Variants in KPNA1 observed in about 807,000 individuals in gnomAD.
KPNA1 encodes importin subunit alpha-5.
Under a neutral mutation model 70.5 loss-of-function variants are expected in KPNA1, and 10 were observed. That is an observed-to-expected ratio of 0.14 (90% CI 0.09 to 0.24). The LOEUF (loss-of-function observed/expected upper bound fraction) is 0.24. Ranked by LOEUF, KPNA1 falls within the 10% of genes least tolerant of loss-of-function variation. KPNA1 has a pLI of 1.00. For synonymous variants in KPNA1, 192 were observed against 221.9 expected (o/e 0.87, Z 1.20); for missense variants, 397 against 637.9 (o/e 0.62, Z 4.07).
At chr3:122,441,996 A>G in intron 10 of KPNA1, 42 bp downstream of exon 10, 1 of 1,265,720 alleles carries the variant, frequency 7.9e-7, no homozygotes, top group Non-Finnish European at 1.2e-6. Context: ...AGTTCAATAT[A>G]CTGTTTTTAA....
At chr3:122,511,416 T>C (rs7641530) in intron 1 of KPNA1, among the ~76,000 whole-genome samples, 34,131 of 152,258 alleles carry the variant, frequency 0.22, 4,248 homozygotes, top group Non-Finnish European at 0.27. Context: ...TCTGGATTAC[T>C]GCCTGCTTTC....
intron 9 of KPNA1, among the ~76,000 whole-genome samples, chr3:122,445,008 C>T (rs188474738): frequency 1.1e-4 from 17 of 152,292 alleles, no homozygotes; most frequent in Admixed American, 5.9e-4. Context: ...TCCAAAAGAT[C>T]GCAGCTTCTC....
intron 1 of KPNA1, among the ~76,000 whole-genome samples, chr3:122,498,848 C>T (rs1162336904): frequency 3.3e-5 from 5 of 152,102 alleles, no homozygotes; most frequent in South Asian, 2.1e-4. Flanking sequence ...TGGGAAATAC[C>T]GGCACCTTAA....
intron 9 of KPNA1, 138 bp downstream of exon 9, chr3:122,449,431 CAAAAT>C: frequency 1.5e-6 from 1 of 664,320 alleles, no homozygotes; most frequent in East Asian, 3.1e-5. Flanking sequence ...GATCTGACAT[CAAAAT>C]AAACAAGTAA....
chr3:122,436,597 CCT>C, intron 11 of KPNA1, among the ~76,000 whole-genome samples: 1 of 152,106 alleles, frequency 6.6e-6, no homozygotes, highest in East Asian at 1.9e-4. Context: ...AGGTGGTTCC[CCT>C]GATAACTATT....
At chr3:122,495,119 A>C (rs2076742775) in intron 2 of KPNA1, among the ~76,000 whole-genome samples, 1 of 151,902 alleles carries the variant, frequency 6.6e-6, no homozygotes, top group Admixed American at 6.6e-5. Flanking sequence ...GTGTGGTGGC[A>C]CGCGCCTGTA....
chr3:122,452,805 C>T (rs894631468), intron 6 of KPNA1, among the ~76,000 whole-genome samples: 2 of 150,118 alleles, frequency 1.3e-5, no homozygotes, highest in African/African-American at 4.9e-5. Context: ...GAAAGAAAGA[C>T]GGAAAGATGG....
chr3:122,490,999 C>A (rs1202605918), intron 2 of KPNA1, among the ~76,000 whole-genome samples: 1 of 152,104 alleles, frequency 6.6e-6, no homozygotes, highest in African/African-American at 2.4e-5. Context: ...ATTTATACTT[C>A]TTTTTTGTCC....
chr3:122,438,520 G>T lies in KPNA1; in HGVS notation c.997-1225C>A, dbSNP rs192529370. Among the ~76,000 whole-genome samples, 531 of 151,894 alleles carry T rather than the reference G, an allele frequency of 3.5e-3. 2 individuals carry two copies. The highest frequency in any genetic ancestry group is 6.8e-3 in the Middle Eastern group (2 of 294). On this transcript the variant is annotated intron_variant, in intron 10 of 13. Transcript: ENST00000344337. Reference sequence around the variant, plus strand: ...TCCTGCCTCAGCCTCCTGAGTAGCTGGGATTACAGGCATGCGCCACCACGC... The same window carrying T: ...TCCTGCCTCAGCCTCCTGAGTAGCTTGGATTACAGGCATGCGCCACCACGC...
At chr3:122,459,912 T>C in intron 5 of KPNA1, 1 of 985,298 alleles carries the variant, frequency 1.0e-6, no homozygotes, top group Non-Finnish European at 1.2e-6. Flanking sequence ...TAATCTATAA[T>C]GGTGTAGACA....
At position 122,429,629 on chromosome 3, in the gene KPNA1, C is replaced by A. The variant is rs952974893; in HGVS notation, c.1251-1913G>T. Among the ~76,000 whole-genome samples, 19 of 151,894 alleles carry A rather than the reference C, an allele frequency of 1.3e-4. 1 individual carries two copies. The highest frequency in any genetic ancestry group is 2.8e-4 in the Non-Finnish European group (19 of 68,010). Reference sequence around the variant, plus strand: ...CAATATTGTTAAGATGGCAATTCTTCCCAACTTGATCTATAGATTCAATGT... The same window carrying A: ...CAATATTGTTAAGATGGCAATTCTTACCAACTTGATCTATAGATTCAATGT... On this transcript the variant is annotated intron_variant, in intron 12 of 13. Coordinates refer to ENST00000344337, the MANE Select transcript of KPNA1 (RefSeq NM_002264.4).
At chr3:122,455,722 A>G (rs1392432643) in intron 5 of KPNA1, among the ~76,000 whole-genome samples, 1 of 151,900 alleles carries the variant, frequency 6.6e-6, no homozygotes, top group Non-Finnish European at 1.5e-5. Flanking sequence ...CGCCCGGCTA[A>G]TTTTTATATT....
intron 2 of KPNA1, among the ~76,000 whole-genome samples, chr3:122,486,752 A>C (rs1299919634): frequency 6.6e-6 from 1 of 152,096 alleles, no homozygotes; most frequent in Non-Finnish European, 1.5e-5. Flanking sequence ...ACGCCCGGCT[A>C]ATTTTTTATA....
chr3:122,441,351 T>C (rs1050604033), intron 10 of KPNA1, among the ~76,000 whole-genome samples: 1 of 151,614 alleles, frequency 6.6e-6, no homozygotes, highest in African/African-American at 2.4e-5. Context: ...GGAAGAATCT[T>C]CCTCACACAG....
chr3:122,497,138 A>G (rs1451011706), intron 1 of KPNA1, among the ~76,000 whole-genome samples: 2 of 152,240 alleles, frequency 1.3e-5, no homozygotes, highest in African/African-American at 4.8e-5. Flanking sequence ...TGTTTAAGCT[A>G]TCATCCCTAT....
At chr3:122,492,142 G>A (rs2076707700) in intron 2 of KPNA1, among the ~76,000 whole-genome samples, 1 of 152,114 alleles carries the variant, frequency 6.6e-6, no homozygotes, top group Non-Finnish European at 1.5e-5. Flanking sequence ...TTACAGGCGT[G>A]AGCCACCGTG....
rs1326913519 is a variant in KPNA1 at position 122,444,075 on chromosome 3, C to T, written c.918-1959G>A. ...CTCCCAGAGCGGCCATTTTAGAGGC[C>T]GCCCCCTGGGAATGCATTCTTTTCC... On this transcript the variant is annotated intron_variant, in intron 9 of 13. Coordinates refer to ENST00000344337, the MANE Select transcript of KPNA1 (RefSeq NM_002264.4). Among the ~76,000 whole-genome samples, 10 of 152,178 alleles carry T rather than the reference C, an allele frequency of 6.6e-5. No homozygotes were observed. In the East Asian group the frequency reaches 7.7e-4, roughly 12 times the overall value.
chr3:122,442,126 C>A lies in KPNA1; in HGVS notation c.918-10G>T. On this transcript the variant is annotated splice_polypyrimidine_tract_variant and intron_variant, in intron 9 of 13. Coordinates refer to ENST00000344337, the MANE Select transcript of KPNA1 (RefSeq NM_002264.4). The stretch of plus-strand genomic sequence containing the variant: ...TTTATAATCATTATGCCTGCAAAAA[C>A]AAAAAGTAATGTTATAGCAAACAGT... The A allele has an allele frequency of 1.2e-6, 2 of 1,603,414 alleles. No individual in the cohort carries two copies. The highest frequency in any genetic ancestry group is 1.7e-6 in the Non-Finnish European group (2 of 1,170,966).
chr3:122,443,250 G>A (rs933796475), intron 9 of KPNA1: 1 of 152,448 alleles, frequency 6.6e-6, no homozygotes, highest in African/African-American at 2.4e-5. Context: ...CTGGCGGGGG[G>A]AGGGGCGTCT....
Sources: gnomAD v4.1 joint callset for allele counts (sites outside exome capture counted in the v4.1 genomes callset) on GRCh38, gnomAD v4.1.1 for gene constraint, MANE v1.5 for transcripts, NCBI Gene and HGNC (gene_info 2026-07-23, HGNC 2026-07-21) for gene names.